The following KIR3DL3 variants were observed in gnomAD, a reference collection of about 807,000 sequenced individuals.
KIR3DL3 encodes the protein killer cell immunoglobulin-like receptor 3DL3.
In KIR3DL3, 27 loss-of-function variants were observed where a neutral mutation model predicts 34.9. That is an observed-to-expected ratio of 0.77 (90% CI 0.57 to 1.07). KIR3DL3 has a LOEUF of 1.07. Ranked by LOEUF, KIR3DL3 falls within the 50% of genes least tolerant of loss-of-function variation. The pLI is 0.00. For missense variants in KIR3DL3, 681 were observed against 528.5 expected (o/e 1.29, Z -2.83); for synonymous variants, 217 against 200.2 (o/e 1.08, Z -0.71).
intron 6 of KIR3DL3, 65 bp from the exon 7 acceptor site, chr19:54,735,755 C>G (rs1429931301): frequency 1.3e-6 from 2 of 1,583,160 alleles, no homozygotes; most frequent in Admixed American, 1.7e-5. Context: ...ATGTTGGTAT[C>G]TGCTTATGAA....
chr19:54,726,344 G>A lies in KIR3DL3; in HGVS notation c.355+7G>A, dbSNP rs2146758415. The A allele has an allele frequency of 1.2e-6, 2 of 1,611,884 alleles. No homozygotes were observed. Among genetic ancestry groups the A allele is most frequent in the South Asian group, 1.1e-5 (1 of 91,004 alleles). On this transcript the variant is annotated splice_region_variant and intron_variant, in intron 3 of 7. Coordinates refer to ENST00000291860, the MANE Select transcript of KIR3DL3 (RefSeq NM_153443.5). Reference sequence around the variant, plus strand: ...GTGGTGATCATGGTCACAGGTCAGAGGCTTTCTGTCTGGGCTTCTCACTGT... The same window carrying A: ...GTGGTGATCATGGTCACAGGTCAGAAGCTTTCTGTCTGGGCTTCTCACTGT...
intron 5 of KIR3DL3, among the ~76,000 whole-genome samples, chr19:54,734,888 T>C (rs1639424): frequency 0.2 from 19,709 of 100,246 alleles, 1,995 homozygotes; most frequent in South Asian, 0.28. Context: ...TAACAACCAG[T>C]TCTCCAGGAA....
intron 5 of KIR3DL3, among the ~76,000 whole-genome samples, chr19:54,733,757 C>T (rs1238577345): frequency 6.6e-6 from 1 of 152,174 alleles, no homozygotes; most frequent in Non-Finnish European, 1.5e-5. Context: ...AGAACGTGCT[C>T]TGTTCATGGC....
chr19:54,731,504 G>T (rs1600204684), intron 5 of KIR3DL3, among the ~76,000 whole-genome samples: 1 of 151,502 alleles, frequency 6.6e-6, no homozygotes, highest in South Asian at 2.1e-4. Flanking sequence ...CCATGCTCAG[G>T]CTGTGCAGTG....
chr19:54,735,907 T>A (rs375219175), intron 7 of KIR3DL3, 35 bp downstream of exon 7: 454 of 1,605,698 alleles, frequency 2.8e-4, no homozygotes, highest in Admixed American at 9.9e-4. Context: ...GTGGCTAGTC[T>A]TATTCCCAAA....
At chr19:54,727,163 A>G (rs1353685935) in intron 3 of KIR3DL3, among the ~76,000 whole-genome samples, 3,647 of 109,156 alleles carry the variant, frequency 0.033, no homozygotes, top group South Asian at 0.058. Context: ...CACAGACATG[A>G]AAGGAGAGGC....
At position 54,726,290 on chromosome 19, in the gene KIR3DL3, C is replaced by G; in HGVS notation, c.308C>G (p.Pro103Arg). The change falls in exon 3 of 8, where the codon CCC becomes CGC. Residue 103 changes from proline (P) to arginine (R), a missense_variant. Transcript: ENST00000291860. The part of the protein sequence containing the change: ...YRCCSSHPHS[P>R]TGWSAPSNPV... ...TGTTGCAGTTCACACCCACACTCCCCCACTGGGTGGTCGGCACCCAGCAAC... is the reference window on the plus strand; with the variant it reads ...TGTTGCAGTTCACACCCACACTCCCGCACTGGGTGGTCGGCACCCAGCAAC... 1 of 1,613,930 alleles carries G rather than the reference C, an allele frequency of 6.2e-7. No individual in the cohort carries two copies. Among genetic ancestry groups the G allele is most frequent in the South Asian group, 1.1e-5 (1 of 91,050 alleles).
Position 54,736,180 on chromosome 19 carries a change from A to C in KIR3DL3, c.*84A>C. The C allele has an allele frequency of 6.3e-7, 1 of 1,576,568 alleles. No individual in the cohort carries two copies. The highest frequency in any genetic ancestry group is 1.1e-5 in the South Asian group (1 of 89,768). On this transcript the variant is annotated 3_prime_UTR_variant, in exon 8 of 8. Transcript: ENST00000291860. The stretch of plus-strand genomic sequence containing the variant: ...CAGTCAGGCCTTGATGGGATCTTCT[A>C]GGGAGACAATAGCCCTGTCTCAAAA...
chr19:54,725,794 C>T (rs1288148202), intron 2 of KIR3DL3, among the ~76,000 whole-genome samples: 44 of 152,226 alleles, frequency 2.9e-4, no homozygotes, highest in African/African-American at 7.7e-4. Context: ...CTGTGTCTAC[C>T]TTGTGTTCTT....
chr19:54,730,943 A>G (rs1296267092), intron 5 of KIR3DL3, among the ~76,000 whole-genome samples: 1 of 152,242 alleles, frequency 6.6e-6, no homozygotes, highest in African/African-American at 2.4e-5. Context: ...TTGGGTTTAC[A>G]CCCAGTCATG....
chr19:54,733,195 G>A (rs1259623185), intron 5 of KIR3DL3, among the ~76,000 whole-genome samples: 21 of 152,094 alleles, frequency 1.4e-4, no homozygotes, highest in Admixed American at 6.6e-4. Flanking sequence ...GCAGAGGAGC[G>A]ATAGACACAT....
At chr19:54,725,913 G>C in intron 2 of KIR3DL3, 140 bp from the exon 3 acceptor site, 1 of 748,960 alleles carries the variant, frequency 1.3e-6, no homozygotes, top group South Asian at 1.7e-5. Context: ...GTCTATGCGG[G>C]ATGGGTCCTT....
rs1386466606 is a variant in KIR3DL3, at chr19:54,728,826, G to C, written c.656-667G>C. ...AGGCAGAGAAAGACAAGGAGATGGA[G>C]AGAGACAGATGATAGATGGACAGAT... is the stretch of plus-strand genomic sequence containing the variant. On this transcript the variant is annotated intron_variant, in intron 4 of 7. Transcript: ENST00000291860. Among the ~76,000 whole-genome samples, 40 of 149,826 alleles carry C rather than the reference G, an allele frequency of 2.7e-4. 1 individual carries two copies. In the South Asian group the frequency reaches 5.6e-3, roughly 21 times the overall value.
Position 54,729,673 on chromosome 19 carries a change from A to T in KIR3DL3, c.836A>T (p.Asn279Ile). Reference sequence around the variant, plus strand: ...AGGGTCAATGGAACATTCCAGGCCAACTTCCCTCTGGGCCCTGTGACCCAC... The same window carrying T: ...AGGGTCAATGGAACATTCCAGGCCATCTTCCCTCTGGGCCCTGTGACCCAC... ...VLRVNGTFQA[N>I]FPLGPVTHGG... The change falls in exon 5 of 8, where the codon AAC (asparagine) becomes ATC (isoleucine). Residue 279 changes from asparagine (N) to isoleucine (I), a missense_variant. Coordinates refer to ENST00000291860, the MANE Select transcript of KIR3DL3 (RefSeq NM_153443.5). 1 of 1,599,894 alleles carries T rather than the reference A, an allele frequency of 6.3e-7. No individual in the cohort carries two copies.
At chr19:54,731,373 A>G (rs1396757837) in intron 5 of KIR3DL3, among the ~76,000 whole-genome samples, 1 of 151,206 alleles carries the variant, frequency 6.6e-6, no homozygotes, top group Non-Finnish European at 1.5e-5. Context: ...TTACATTCGT[A>G]TCAGCAGTGT....
At chr19:54,725,666 G>T (rs2068082754) in intron 2 of KIR3DL3, among the ~76,000 whole-genome samples, 1 of 152,188 alleles carries the variant, frequency 6.6e-6, no homozygotes, top group African/African-American at 2.4e-5. Context: ...CAATGTGGCT[G>T]CTGTCATTCT....
chr19:54,724,623 GGAGTGGAGATATA>G, intron 1 of KIR3DL3, 93 bp downstream of exon 1: 1 of 1,583,666 alleles, frequency 6.3e-7, no homozygotes, highest in Non-Finnish European at 8.6e-7. Context: ...ATATGGGCCT[GGAGTGGAGATATA>G]GGCCTGGAGT....
At position 54,727,812 on chromosome 19, in the gene KIR3DL3, C is replaced by T. The variant is rs536508795; in HGVS notation, c.557C>T (p.Thr186Ile). Reference protein sequence around the residue: ...SQVNYSMGPMTPALAGTYRCF... With the variant: ...SQVNYSMGPMIPALAGTYRCF... ...GTCAACTATTCCATGGGTCCCATGA[C>T]ACCTGCCCTTGCAGGGACCTACAGA... The change falls in exon 4 of 8, where the codon ACA (threonine) becomes ATA (isoleucine). Residue 186 changes from threonine (T) to isoleucine (I), a missense_variant. Transcript: ENST00000291860. 9 of 1,613,832 alleles carry T rather than the reference C, an allele frequency of 5.6e-6. No homozygotes were observed. The African/African-American group carries it at 1.2e-4, about 22-fold the overall frequency.
At chr19:54,732,258 C>T (rs371699563) in intron 5 of KIR3DL3, among the ~76,000 whole-genome samples, 61 of 147,188 alleles carry the variant, frequency 4.1e-4, no homozygotes, top group African/African-American at 1.4e-3. Context: ...TTTTTGTTTT[C>T]TTTTTTTTTT....
Sources: gnomAD v4.1 joint callset for allele counts (sites outside exome capture counted in the v4.1 genomes callset) on GRCh38, gnomAD v4.1.1 for gene constraint, MANE v1.5 for transcripts, NCBI Gene and HGNC (gene_info 2026-07-23, HGNC 2026-07-21) for gene names.